NR3C1: variants seen among roughly 807,000 people sequenced by gnomAD.
NR3C1 encodes nuclear receptor subfamily 3 group C member 1.
In NR3C1, 14 loss-of-function variants were observed where a neutral mutation model predicts 74.0. The observed-to-expected ratio is 0.19, with a 90% CI of 0.12 to 0.30. NR3C1 has a LOEUF of 0.30. Among genes scored for constraint, NR3C1 ranks in the 10% least tolerant of loss-of-function variants. The pLI is 1.00. For missense variants in NR3C1, 695 were observed against 909.8 expected (o/e 0.76, Z 3.04); for synonymous variants, 308 against 332.5 (o/e 0.93, Z 0.80).
chr5:143,351,259 T>C (rs1830172094), intron 2 of NR3C1, among the ~76,000 whole-genome samples: 1 of 152,160 alleles, frequency 6.6e-6, no homozygotes, highest in South Asian at 2.1e-4. Flanking sequence ...AATCCTGGCT[T>C]AAAAACATAA....
chr5:143,282,117 T>TTTG, intron 8 of NR3C1, 76 bp from the exon 9 acceptor site: 1 of 1,510,612 alleles, frequency 6.6e-7, no homozygotes, highest in South Asian at 1.1e-5. Flanking sequence ...TGTCCTCTAT[T>TTTG]TTGAAAAAAT....
chr5:143,332,294 A>C (rs1826123911), intron 2 of NR3C1, among the ~76,000 whole-genome samples: 1 of 151,294 alleles, frequency 6.6e-6, no homozygotes, highest in Admixed American at 6.6e-5. Context: ...ATTTTAAGAA[A>C]GTTCGGGCAC....
chr5:143,288,419 A>G lies in NR3C1; in HGVS notation c.2024-5694T>C, dbSNP rs117401908. Reference sequence around the variant, plus strand: ...CAGGCGTGAGCCATAGCGCCCGGCCAGAAATTGGAAATTTAAGATGTTAAT... The same window carrying G: ...CAGGCGTGAGCCATAGCGCCCGGCCGGAAATTGGAAATTTAAGATGTTAAT... On this transcript the variant is annotated intron_variant, in intron 7 of 8. Coordinates refer to ENST00000394464, the MANE Select transcript of NR3C1 (RefSeq NM_000176.3). Among the ~76,000 whole-genome samples the G allele has an allele frequency of 1.0e-3, 155 of 152,050 alleles. 3 individuals are homozygous for G. In the East Asian group the frequency reaches 0.022, roughly 22 times the overall value.
intron 2 of NR3C1, among the ~76,000 whole-genome samples, chr5:143,357,357 C>T (rs1432443598): frequency 6.6e-6 from 1 of 152,156 alleles, no homozygotes; most frequent in East Asian, 1.9e-4. Flanking sequence ...GAACAAAAAA[C>T]ACCACTTTGT....
chr5:143,287,102 C>T (rs1213827907), intron 7 of NR3C1, among the ~76,000 whole-genome samples: 1 of 151,426 alleles, frequency 6.6e-6, no homozygotes, highest in Non-Finnish European at 1.5e-5. Flanking sequence ...ATAAGGTCTT[C>T]AACTAACAAT....
At chr5:143,427,150 A>G (rs1751572564) in intron 1 of NR3C1, among the ~76,000 whole-genome samples, 2 of 152,226 alleles carry the variant, frequency 1.3e-5, no homozygotes, top group Non-Finnish European at 1.5e-5. Context: ...CACTATAAGT[A>G]AGAAATAGCA....
At chr5:143,435,088 A>T (rs556566953) in exon 1 of NR3C1, 4 of 985,408 alleles carry the variant, frequency 4.1e-6, no homozygotes, top group African/African-American at 3.5e-5. Flanking sequence ...GTGAGGTCTG[A>T]TGCTGGGAAT....
At chr5:143,319,260 T>G (rs1276446159) in intron 2 of NR3C1, among the ~76,000 whole-genome samples, 4 of 152,168 alleles carry the variant, frequency 2.6e-5, no homozygotes, top group Non-Finnish European at 5.9e-5. Context: ...AAGGATACAG[T>G]ATCGCTTACT....
At position 143,335,193 on chromosome 5, in the gene NR3C1, G is replaced by A. The variant is rs190125252; in HGVS notation, c.1185-21025C>T. On this transcript the variant is annotated intron_variant, in intron 2 of 8. Coordinates refer to ENST00000394464, the MANE Select transcript of NR3C1 (RefSeq NM_000176.3). Reference sequence around the variant, plus strand: ...ACACAGTACAGTGGTACATGCCGAGGCCCTTCCAGTTGTAGGCTGGCCCCA... The same window carrying A: ...ACACAGTACAGTGGTACATGCCGAGACCCTTCCAGTTGTAGGCTGGCCCCA... 6.2e-4 allele frequency among the ~76,000 whole-genome samples: 94 copies of A among 152,276 alleles called. 1 individual carries two copies. The highest frequency in any genetic ancestry group is 3.4e-3 in the Middle Eastern group (1 of 294).
intron 3 of NR3C1, among the ~76,000 whole-genome samples, chr5:143,311,352 G>A (rs1304622520): frequency 6.6e-6 from 1 of 152,164 alleles, no homozygotes; most frequent in Non-Finnish European, 1.5e-5. Context: ...AAATTCCAAA[G>A]TTTTGTTTAT....
chr5:143,351,643 A>G (rs1830244578), intron 2 of NR3C1, among the ~76,000 whole-genome samples: 1 of 152,196 alleles, frequency 6.6e-6, no homozygotes, highest in Admixed American at 6.5e-5. Flanking sequence ...TTAGCATTTA[A>G]TAACACATTT....
chr5:143,317,906 C>T (rs1206559893), intron 2 of NR3C1, among the ~76,000 whole-genome samples: 2 of 151,990 alleles, frequency 1.3e-5, no homozygotes, highest in Admixed American at 6.6e-5. Flanking sequence ...ATTTTGTAGC[C>T]GCCTCTTGTG....
In NR3C1 at chr5:143,383,145, C is replaced by T. The variant is rs555018242; in HGVS notation, c.1184+16511G>A. On this transcript the variant is annotated intron_variant, in intron 2 of 8. Transcript: ENST00000394464. ...TGTCTTGAATGTAACACCCATAAACCATAAGCTTCAGAAAGGCAGAAACAA... is the reference window on the plus strand; with the variant it reads ...TGTCTTGAATGTAACACCCATAAACTATAAGCTTCAGAAAGGCAGAAACAA... Among the ~76,000 whole-genome samples, 104 of 152,332 alleles carry T rather than the reference C, an allele frequency of 6.8e-4. 1 individual carries two copies. Among genetic ancestry groups the T allele is most frequent in the African/African-American group, 2.3e-3 (95 of 41,582 alleles).
chr5:143,413,135 G>A (rs989811766), intron 1 of NR3C1, among the ~76,000 whole-genome samples: 1 of 152,130 alleles, frequency 6.6e-6, no homozygotes, highest in Non-Finnish European at 1.5e-5. Flanking sequence ...GACAGATACG[G>A]TTACAAGTCA....
intron 1 of NR3C1, among the ~76,000 whole-genome samples, chr5:143,430,280 CAA>C (rs1037661274): frequency 2.0e-5 from 3 of 152,008 alleles, no homozygotes; most frequent in African/African-American, 7.2e-5. Flanking sequence ...ATTATGTTTT[CAA>C]ACTCTATTAA....
chr5:143,333,216 C>T (rs1826371551), intron 2 of NR3C1: 3 of 1,508,110 alleles, frequency 2.0e-6, no homozygotes, highest in Admixed American at 1.7e-5. Context: ...ACGCATCAAT[C>T]AGCTCATCCG....
intron 2 of NR3C1, among the ~76,000 whole-genome samples, chr5:143,319,541 C>A (rs1025527027): frequency 1.3e-5 from 2 of 152,094 alleles, no homozygotes; most frequent in African/African-American, 4.8e-5. Flanking sequence ...CAGTTTTTGT[C>A]CAAACACCGT....
chr5:143,399,516 C>A (rs1839841238), intron 2 of NR3C1, 140 bp downstream of exon 2: 1 of 718,708 alleles, frequency 1.4e-6, no homozygotes, highest in Non-Finnish European at 2.3e-6. Flanking sequence ...ACCTTTCCTA[C>A]TTTCAAAAGG....
chr5:143,403,324 T>TA lies in NR3C1; in HGVS notation c.-128dup, dbSNP rs970433665. The TA allele has an allele frequency of 9.0e-5, 89 of 984,756 alleles. No individual in the cohort carries two copies. The highest frequency in any genetic ancestry group is 1.0e-4 in the Non-Finnish European group (85 of 829,838). 61.0% of individuals were successfully genotyped at this position (984,756 alleles called of 1,614,324 possible). A position where few individuals can be genotyped will look rare whatever the true frequency, so the allele number is the denominator to read the frequency against. On this transcript the variant is annotated 5_prime_UTR_variant, in exon 1 of 9. The change abolishes the stop of an existing upstream ORF in the 5' untranslated region. Transcript: ENST00000394464. Reference sequence around the variant, plus strand: ...AGGAGGGAAATATATTTTTTTTTTCTAAAAAAAGGAAGTAAACAGCCGCCC... The same window carrying TA: ...AGGAGGGAAATATATTTTTTTTTTCTAAAAAAAAGGAAGTAAACAGCCGCCC...
Sources: allele counts gnomAD v4.1 joint callset (sites outside exome capture counted in the v4.1 genomes callset), GRCh38; gene constraint gnomAD v4.1.1; transcripts MANE v1.5; gene names NCBI Gene and HGNC (gene_info 2026-07-23, HGNC 2026-07-21).